Variants in GPR35 observed in about 807,000 individuals in gnomAD.
GPR35 encodes KYNA receptor.
For missense variants in GPR35, 372 were observed against 422.5 expected (o/e 0.88, Z 1.05); for synonymous variants, 207 against 198.4 (o/e 1.04, Z -0.36).
At chr2:240,607,914 CAG>C (rs1028350940) in intron 2 of GPR35, among the ~76,000 whole-genome samples, 9 of 151,604 alleles carry the variant, frequency 5.9e-5, no homozygotes, top group Non-Finnish European at 7.4e-5. Flanking sequence ...TAAATTGAGA[CAG>C]GGGCTCACTC....
intron 2 of GPR35, among the ~76,000 whole-genome samples, chr2:240,607,692 A>G (rs2043148701): frequency 6.6e-6 from 1 of 152,078 alleles, no homozygotes; most frequent in Non-Finnish European, 1.5e-5. Context: ...TGTAACCTTG[A>G]TAATGCATTT....
At chr2:240,625,149 G>A (rs969342638), upstream of GPR35, 6 of 549,904 alleles carry the variant, frequency 1.1e-5, no homozygotes, top group Non-Finnish European at 1.2e-5. Context: ...GAAGGTTTCC[G>A]AGATGACAGG....
rs1166889059 is a variant in GPR35 at position 240,632,873 on chromosome 2, A to G, written c.*1991A>G. On this transcript the variant is annotated 3_prime_UTR_variant, in exon 2 of 2. Coordinates refer to ENST00000407714, the MANE Select transcript of GPR35 (RefSeq NM_005301.5). Reference sequence around the variant, plus strand: ...TGTCTCCACCCAAATCTCATCTTGAATTGTAATCCCTATAATAACCATAGT... The same window carrying G: ...TGTCTCCACCCAAATCTCATCTTGAGTTGTAATCCCTATAATAACCATAGT... Among the ~76,000 whole-genome samples the G allele has an allele frequency of 6.6e-6, 1 of 152,222 alleles. No individual in the cohort carries two copies. The highest frequency in any genetic ancestry group is 2.4e-5 in the African/African-American group (1 of 41,462).
intron 5 of GPR35, among the ~76,000 whole-genome samples, chr2:240,619,787 T>C (rs1027366903): frequency 6.6e-6 from 1 of 152,222 alleles, no homozygotes; most frequent in Non-Finnish European, 1.5e-5. Flanking sequence ...TTCCAGCGGC[T>C]GGCAGGCGGC....
chr2:240,618,913 C>T lies in GPR35; in HGVS notation c.-123C>T, dbSNP rs767791762. The T allele has an allele frequency of 1.0e-4, 71 of 699,954 alleles. 1 individual carries two copies. Among genetic ancestry groups the T allele is most frequent in the South Asian group, 5.4e-4 (36 of 67,168 alleles). The allele number at this position is 699,954 out of a possible 1,614,324, so 43.4% of individuals were successfully genotyped here. A position where few individuals can be genotyped will look rare whatever the true frequency, so the allele number is the denominator to read the frequency against. On this transcript the variant is annotated 5_prime_UTR_variant, in exon 5 of 6. Coordinates refer to the GPR35 transcript ENST00000319838. ...TGCTCAGTGTCCTGTGGTGTGAACA[C>T]GCTTCATTCAACCTGGGCCCTTGGG...
upstream of GPR35, among the ~76,000 whole-genome samples, chr2:240,621,682 T>G (rs1021150649): frequency 1.8e-4 from 28 of 151,390 alleles, no homozygotes; most frequent in Admixed American, 7.2e-4. Flanking sequence ...TGGGTCTCAC[T>G]CAGGAAGGAA....
intron 2 of GPR35, among the ~76,000 whole-genome samples, chr2:240,611,059 A>C (rs1295241278): frequency 6.6e-6 from 1 of 152,120 alleles, no homozygotes; most frequent in East Asian, 1.9e-4. Context: ...CAGCCTCCTG[A>C]GTAGCTGGGA....
intron 2 of GPR35, among the ~76,000 whole-genome samples, chr2:240,609,887 C>A (rs1429690285): frequency 6.6e-6 from 1 of 151,518 alleles, no homozygotes; most frequent in Non-Finnish European, 1.5e-5. Flanking sequence ...TTTTTGGATT[C>A]TTTGTAATTA....
intron 2 of GPR35, chr2:240,616,323 G>A (rs73999953): frequency 0.01 from 7,043 of 702,772 alleles, 309 homozygotes; most frequent in African/African-American, 0.099. Context: ...CCGCGGTCCC[G>A]GCCGACATAC....
exon 3 of GPR35, chr2:240,616,475 C>T (rs371257641): frequency 8.8e-5 from 69 of 780,600 alleles, no homozygotes; most frequent in African/African-American, 1.5e-4. Context: ...AATCTCCTGT[C>T]GACTGCGAGT....
rs777486037 is a variant in GPR35 at position 240,630,591 on chromosome 2, C to T, written c.639C>T (p.Arg213=). 1.9e-6 allele frequency: 3 copies of T among 1,612,770 alleles called. No individual in the cohort carries two copies. Among genetic ancestry groups the T allele is most frequent in the Non-Finnish European group, 1.7e-6 (2 of 1,179,950 alleles). ...PTDVGQAEAT[R]KAARMVWANL... ...ACGTGGGGCAGGCAGAGGCCACCCG[C>T]AAGGCTGCCCGCATGGTCTGGGCCA... Residue 213 remains arginine (R), a synonymous_variant, in exon 2 of 2, where the codon CGC becomes CGT. Coordinates refer to ENST00000407714, the MANE Select transcript of GPR35 (RefSeq NM_005301.5).
chr2:240,630,864 G>A lies in GPR35; in HGVS notation c.912G>A (p.Leu304=), dbSNP rs761469937. ...AGGCCCACAAAAGCCAGGACTCTCTGTGCGTGACCCTCGCCTAAGAGGCGT... is the reference window on the plus strand; with the variant it reads ...AGGCCCACAAAAGCCAGGACTCTCTATGCGTGACCCTCGCCTAAGAGGCGT... ...SAKAHKSQDS[L]CVTLA is the part of the protein sequence containing the mutation. The change falls in exon 2 of 2, where the codon CTG becomes CTA. Residue 304 remains leucine (L), a synonymous_variant. Coordinates refer to ENST00000407714, the MANE Select transcript of GPR35 (RefSeq NM_005301.5). 8.1e-6 allele frequency: 13 copies of A among 1,612,094 alleles called. No homozygotes were observed. In the African/African-American group the frequency reaches 1.6e-4, roughly 20 times the overall value.
chr2:240,611,333 TG>T (rs2043181241), intron 2 of GPR35, among the ~76,000 whole-genome samples: 1 of 152,218 alleles, frequency 6.6e-6, no homozygotes, highest in Non-Finnish European at 1.5e-5. Flanking sequence ...TTGATATGGT[TG>T]GGTTTGAACC....
chr2:240,627,043 T>C (rs2043386562), intron 1 of GPR35, among the ~76,000 whole-genome samples: 1 of 152,106 alleles, frequency 6.6e-6, no homozygotes, highest in African/African-American at 2.4e-5. Context: ...CTGGCTCCAA[T>C]CCCCAAAGCC....
chr2:240,608,771 G>A (rs937717449), intron 2 of GPR35, among the ~76,000 whole-genome samples: 2 of 152,182 alleles, frequency 1.3e-5, no homozygotes, highest in Middle Eastern at 3.4e-3. Context: ...GCTGGCCAGT[G>A]TTTCTCCTTT....
Position 240,632,694 on chromosome 2 carries a change from G to T in GPR35, c.*1812G>T, listed in dbSNP as rs2043463123. 6.6e-6 allele frequency among the ~76,000 whole-genome samples: 1 copy of T among 151,470 alleles called. No individual in the cohort carries two copies. Among genetic ancestry groups the T allele is most frequent in the African/African-American group, 2.4e-5 (1 of 41,184 alleles). ...CATGCCCAGTAAGGGCCATGCCCAT[G>T]AGATCCTCATGCCCAGGAAGGCCCA... is the stretch of plus-strand genomic sequence containing the variant. On this transcript the variant is annotated 3_prime_UTR_variant, in exon 2 of 2. Coordinates refer to ENST00000407714, the MANE Select transcript of GPR35 (RefSeq NM_005301.5).
At chr2:240,620,928 C>T (rs1465554296), upstream of GPR35, among the ~76,000 whole-genome samples, 2 of 152,222 alleles carry the variant, frequency 1.3e-5, no homozygotes, top group African/African-American at 2.4e-5. Flanking sequence ...TGTCCTGGTC[C>T]CCAGCCCCTC....
At chr2:240,618,988 G>A in exon 5 of GPR35, 1 of 702,860 alleles carries the variant, frequency 1.4e-6, no homozygotes, top group South Asian at 1.5e-5. Context: ...CCGTGGCAGT[G>A]AAGAGCTGCT....
chr2:240,630,577 G>A lies in GPR35; in HGVS notation c.625G>A (p.Ala209Thr), dbSNP rs1426197691. 1 of 1,612,824 alleles carries A rather than the reference G, an allele frequency of 6.2e-7. No individual in the cohort carries two copies. Among genetic ancestry groups the A allele is most frequent in the South Asian group, 1.1e-5 (1 of 91,066 alleles). Residue 209 changes from alanine to threonine, a missense_variant, in exon 2 of 2, where the codon GCA (alanine) becomes ACA (threonine). Coordinates refer to ENST00000407714, the MANE Select transcript of GPR35 (RefSeq NM_005301.5). ...GAGGCCACCCACCGACGTGGGGCAG[G>A]CAGAGGCCACCCGCAAGGCTGCCCG... Reference protein sequence around the residue: ...AQRPPTDVGQAEATRKAARMV... With the variant: ...AQRPPTDVGQTEATRKAARMV...
Sources: gnomAD v4.1 joint callset for allele counts (sites outside exome capture counted in the v4.1 genomes callset) on GRCh38, gnomAD v4.1.1 for gene constraint, MANE v1.5 for transcripts, NCBI Gene and HGNC (gene_info 2026-07-23, HGNC 2026-07-21) for gene names.